Variants in ROBO1 observed in about 807,000 individuals in gnomAD.
The protein encoded by ROBO1 is roundabout homolog 1.
In ROBO1, 149 loss-of-function variants were observed where a neutral mutation model predicts 195.9. The observed-to-expected ratio is 0.76, with a 90% CI of 0.67 to 0.87. ROBO1 has a LOEUF of 0.87. Among genes scored for constraint, ROBO1 ranks in the 40% least tolerant of loss-of-function variants. The pLI is 0.00. For synonymous variants in ROBO1, 816 were observed against 733.2 expected (o/e 1.11, Z -1.82); for missense variants, 1,933 against 2,068.3 (o/e 0.93, Z 1.27).
chr3:78,841,011 A>G (rs974388670), intron 4 of ROBO1, among the ~76,000 whole-genome samples: 28 of 151,798 alleles, frequency 1.8e-4, no homozygotes, highest in Non-Finnish European at 3.2e-4. Context: ...GCAGTGAGCC[A>G]AGATCACGCC....
chr3:79,186,143 C>A (rs1209279129), intron 2 of ROBO1, among the ~76,000 whole-genome samples: 1 of 152,080 alleles, frequency 6.6e-6, no homozygotes, highest in Non-Finnish European at 1.5e-5. Flanking sequence ...GCTCTGTATT[C>A]TATCCACATG....
At chr3:79,299,836 C>G (rs1392191606) in intron 2 of ROBO1, among the ~76,000 whole-genome samples, 1 of 146,808 alleles carries the variant, frequency 6.8e-6, no homozygotes, top group South Asian at 2.1e-4. Flanking sequence ...AATATCAACT[C>G]AAGAAACACT....
intron 1 of ROBO1, among the ~76,000 whole-genome samples, chr3:79,689,977 G>A (rs943036464): frequency 1.3e-5 from 2 of 151,930 alleles, no homozygotes; most frequent in Non-Finnish European, 2.9e-5. Context: ...TCAGTGAAGT[G>A]ATTAATCAAG....
At chr3:79,006,100 A>G (rs1477311722) in intron 3 of ROBO1, among the ~76,000 whole-genome samples, 1 of 152,192 alleles carries the variant, frequency 6.6e-6, no homozygotes, top group Non-Finnish European at 1.5e-5. Context: ...TTATTCAAGA[A>G]TATATTTATT....
At chr3:79,286,881 A>T (rs561409168) in intron 2 of ROBO1, among the ~76,000 whole-genome samples, 15 of 152,320 alleles carry the variant, frequency 9.8e-5, no homozygotes, top group Non-Finnish European at 4.4e-5. Flanking sequence ...TCAAATCCAC[A>T]TGACTTTTAA....
intron 4 of ROBO1, among the ~76,000 whole-genome samples, chr3:78,783,038 A>T (rs1167180416): frequency 6.6e-6 from 1 of 152,204 alleles, no homozygotes; most frequent in African/African-American, 2.4e-5. Flanking sequence ...AGAACAAAGG[A>T]ATAATAGATT....
Position 79,009,004 on chromosome 3 carries a change from G to A in ROBO1, c.173-70077C>T, listed in dbSNP as rs74751069. 1.4e-4 allele frequency among the ~76,000 whole-genome samples: 21 copies of A among 150,346 alleles called. No individual in the cohort carries two copies. In the East Asian group the frequency reaches 3.7e-3, roughly 27 times the overall value. On this transcript the variant is annotated intron_variant, in intron 3 of 30. Transcript: ENST00000464233. ...CACCTGAGCTGGAGTGCAATGGCAC[G>A]ATCTCGGCTCACTGCAACTTCTGCC...
intron 2 of ROBO1, among the ~76,000 whole-genome samples, chr3:79,309,774 C>A (rs2033396885): frequency 6.6e-6 from 1 of 152,128 alleles, no homozygotes; most frequent in Non-Finnish European, 1.5e-5. Context: ...TTTAAATGAG[C>A]ATACCACTTT....
At chr3:78,932,720 C>T (rs964419169) in intron 4 of ROBO1, among the ~76,000 whole-genome samples, 7 of 152,018 alleles carry the variant, frequency 4.6e-5, no homozygotes, top group African/African-American at 9.7e-5. Context: ...CTTATAGGAT[C>T]GTTCTGTACA....
chr3:79,588,762 A>G (rs1028364401), intron 2 of ROBO1, among the ~76,000 whole-genome samples: 2 of 151,760 alleles, frequency 1.3e-5, no homozygotes. Context: ...ATTTGATACA[A>G]ATCATTAAAT....
chr3:79,310,394 C>T (rs2033428571), intron 2 of ROBO1, among the ~76,000 whole-genome samples: 2 of 152,116 alleles, frequency 1.3e-5, no homozygotes, highest in African/African-American at 4.8e-5. Context: ...ATATGATCAG[C>T]CAAATAATGC....
chr3:78,775,851 C>G (rs1044584261), intron 4 of ROBO1, among the ~76,000 whole-genome samples: 2 of 152,182 alleles, frequency 1.3e-5, no homozygotes, highest in African/African-American at 4.8e-5. Context: ...TAGCCAGTTT[C>G]TGCTAAGGTC....
chr3:78,762,250 T>C lies in ROBO1; in HGVS notation c.500-15350A>G, dbSNP rs551514951. On this transcript the variant is annotated intron_variant, in intron 4 of 30. Coordinates refer to ENST00000464233, the MANE Select transcript of ROBO1 (RefSeq NM_002941.4). ...ATGATTTAATAGAGATGAAGATCTG[T>C]GCTTACAGACATCATGGAGTAATCC... 2.6e-5 allele frequency among the ~76,000 whole-genome samples: 4 copies of C among 152,190 alleles called. No homozygotes were observed. The East Asian group carries it at 7.7e-4, about 29-fold the overall frequency.
chr3:79,479,774 G>A (rs927723302), intron 2 of ROBO1, among the ~76,000 whole-genome samples: 5 of 152,070 alleles, frequency 3.3e-5, no homozygotes, highest in African/African-American at 4.8e-5. Context: ...CGTTATGTCA[G>A]TTACATTATA....
intron 4 of ROBO1, among the ~76,000 whole-genome samples, chr3:78,854,953 G>A (rs1179860979): frequency 6.6e-6 from 1 of 152,024 alleles, no homozygotes; most frequent in Admixed American, 6.6e-5. Flanking sequence ...AAAAAACATG[G>A]TTTTATCTTG....
chr3:78,919,153 A>G (rs893506830), intron 4 of ROBO1, among the ~76,000 whole-genome samples: 1 of 152,196 alleles, frequency 6.6e-6, no homozygotes, highest in African/African-American at 2.4e-5. Flanking sequence ...ACATCAGACC[A>G]TAGGGAGATT....
At chr3:79,006,095 C>T (rs2077613584) in intron 3 of ROBO1, among the ~76,000 whole-genome samples, 1 of 152,036 alleles carries the variant, frequency 6.6e-6, no homozygotes, top group Admixed American at 6.6e-5. Flanking sequence ...TCTTCTTATT[C>T]AAGAATATAT....
chr3:79,231,242 T>C (rs2082315068), intron 2 of ROBO1, among the ~76,000 whole-genome samples: 1 of 152,114 alleles, frequency 6.6e-6, no homozygotes, highest in Non-Finnish European at 1.5e-5. Context: ...ACTAAAGATC[T>C]TCTGCACAGC....
intron 10 of ROBO1, among the ~76,000 whole-genome samples, chr3:78,671,566 C>A (rs1430706052): frequency 2.7e-5 from 4 of 149,176 alleles, no homozygotes; most frequent in Non-Finnish European, 5.9e-5. Context: ...ATTTGTCATG[C>A]AATAAATATT....
Sources: gnomAD v4.1 joint callset for allele counts (sites outside exome capture counted in the v4.1 genomes callset) on GRCh38, gnomAD v4.1.1 for gene constraint, MANE v1.5 for transcripts, NCBI Gene and HGNC (gene_info 2026-07-23, HGNC 2026-07-21) for gene names.